Variants in CACNA2D3 observed in about 807,000 individuals in gnomAD.
CACNA2D3 encodes the protein calcium voltage-gated channel auxiliary subunit alpha2delta 3.
CACNA2D3 carries 60 observed loss-of-function variants against 160.6 expected under a neutral mutation model. The observed-to-expected ratio is 0.37, with a 90% confidence interval of 0.30 to 0.46. The LOEUF (loss-of-function observed/expected upper bound fraction) is 0.46, where lower values mean the gene tolerates loss of function less well. Ranked by LOEUF, CACNA2D3 falls within the 20% of genes least tolerant of loss-of-function variation. The pLI, the probability that CACNA2D3 is intolerant of heterozygous loss-of-function variation, is 1.00. For synonymous variants in CACNA2D3, 558 were observed against 492.9 expected, an observed-to-expected ratio of 1.13 and a Z score of -1.75; for missense variants, 1,205 against 1,365.0, an observed-to-expected ratio of 0.88 and a Z score of 1.85.
At chr3:54,351,538 T>C (rs760277927) in intron 3 of CACNA2D3, among the ~76,000 whole-genome samples, 1 of 152,230 alleles carries the variant, frequency 6.6e-6, no homozygotes, top group African/African-American at 2.4e-5. Context: ...AGGGTAGTTG[T>C]GTTGTAATAA....
At chr3:54,300,724 A>T (rs147617561) in intron 2 of CACNA2D3, among the ~76,000 whole-genome samples, 190 of 152,322 alleles carry the variant, frequency 1.2e-3, no homozygotes, top group African/African-American at 4.4e-3. Context: ...TTTTAAAGTA[A>T]CTTAACCATG....
chr3:54,661,341 G>A (rs924302448), intron 11 of CACNA2D3, among the ~76,000 whole-genome samples: 1 of 152,130 alleles, frequency 6.6e-6, no homozygotes, highest in South Asian at 2.1e-4. Context: ...GCTTTCAGAT[G>A]ATGTGTTTCT....
At chr3:54,607,823 A>G (rs1698667526) in intron 9 of CACNA2D3, among the ~76,000 whole-genome samples, 1 of 152,216 alleles carries the variant, frequency 6.6e-6, no homozygotes, top group Non-Finnish European at 1.5e-5. Context: ...ACTGGAAACA[A>G]CCCAAGTTTC....
At chr3:54,621,199 A>G (rs1474581165) in intron 9 of CACNA2D3, among the ~76,000 whole-genome samples, 2 of 152,224 alleles carry the variant, frequency 1.3e-5, no homozygotes, top group Non-Finnish European at 2.9e-5. Context: ...AACAGGAAGG[A>G]CTCAAACATT....
rs202212742 is a variant in CACNA2D3 at position 55,009,413 on chromosome 3, A to G, written c.2845A>G (p.Ser949Gly). ...VLFLVEFNLC[S>G]WWHSDMTAKA... ...GTTCCTGGTGGAATTTAACCTCTGC[A>G]GTTGGTGGCACTCCGATATGACAGC... The change falls in exon 34 of 38, where the codon AGT (serine) becomes GGT (glycine). Residue 949 changes from serine (S) to glycine (G), a missense_variant. This residue lies in a region of CACNA2D3 where 911 missense variants were observed against 1,002.2 expected (regional missense o/e 0.91). Transcript: ENST00000474759. 2,928 of 1,613,870 alleles carry G rather than the reference A, an allele frequency of 1.8e-3. 3 individuals carry two copies. The highest frequency in any genetic ancestry group is 2.4e-3 in the Non-Finnish European group (2,785 of 1,179,784).
chr3:54,676,958 C>T (rs1007548436), intron 11 of CACNA2D3, among the ~76,000 whole-genome samples: 5 of 152,224 alleles, frequency 3.3e-5, no homozygotes, highest in South Asian at 4.2e-4. Context: ...TGGTTCAGCA[C>T]GTTCAGGGAG....
intron 27 of CACNA2D3, chr3:54,918,703 TC>T: frequency 6.2e-7 from 1 of 1,613,980 alleles, no homozygotes; most frequent in Non-Finnish European, 8.5e-7. Flanking sequence ...GAGTTCTCGC[TC>T]CCCCGCGTTG....
Position 54,899,911 on chromosome 3 carries a change from G to A in CACNA2D3, c.2449+43G>A, listed in dbSNP as rs372842939. On this transcript the variant is annotated intron_variant, in intron 27 of 37. Transcript: ENST00000474759. ...TCCATGAAGACAAAGTAAGCATGGC[G>A]CCCATTCATCCGGCCAGTGGGCTAC... 2.0e-5 allele frequency: 28 copies of A among 1,411,880 alleles called. No individual in the cohort carries two copies. The African/African-American group carries it at 2.7e-4, about 14-fold the overall frequency. The allele number at this position is 1,411,880 out of a possible 1,614,324, so 87.5% of individuals were successfully genotyped here. A position where few individuals can be genotyped will look rare whatever the true frequency, so the allele number is the denominator to read the frequency against.
chr3:54,883,823 C>CTCT (rs60132112), intron 21 of CACNA2D3, among the ~76,000 whole-genome samples: 17,438 of 88,100 alleles, frequency 0.2, 1,202 homozygotes, highest in Middle Eastern at 0.31. Context: ...CTCTCTCTCT[C>CTCT]CTCTCTCTCC....
At chr3:54,445,555 T>TACACACACACAC (rs3028897) in intron 4 of CACNA2D3, among the ~76,000 whole-genome samples, 15,067 of 147,060 alleles carry the variant, frequency 0.1, 898 homozygotes, top group Non-Finnish European at 0.14. Context: ...TTTCTATGTA[T>TACACACACACAC]ACACACACAC....
At chr3:54,242,785 T>C (rs1251553554) in intron 2 of CACNA2D3, among the ~76,000 whole-genome samples, 5 of 152,344 alleles carry the variant, frequency 3.3e-5, no homozygotes, top group Middle Eastern at 6.8e-3. Context: ...TGAGGTTGAC[T>C]GCAGGTTGAA....
chr3:54,164,125 G>A lies in CACNA2D3; in HGVS notation c.204+40531G>A, dbSNP rs139526331. Among the ~76,000 whole-genome samples the A allele has an allele frequency of 7.2e-5, 11 of 152,298 alleles. No homozygotes were observed. In the East Asian group the frequency reaches 2.1e-3, roughly 29 times the overall value. ...CAGGGAGAGGCCACTCCTGGCTGAGGGACCTGTACCTGCAAAGACTCTCAG... is the reference window on the plus strand; with the variant it reads ...CAGGGAGAGGCCACTCCTGGCTGAGAGACCTGTACCTGCAAAGACTCTCAG... On this transcript the variant is annotated intron_variant, in intron 2 of 37. Transcript: ENST00000474759.
intron 13 of CACNA2D3, among the ~76,000 whole-genome samples, chr3:54,769,312 A>G (rs1211909307): frequency 6.6e-6 from 1 of 152,132 alleles, no homozygotes; most frequent in Non-Finnish European, 1.5e-5. Flanking sequence ...AGCTTGCAGT[A>G]ATGAAAGAGA....
chr3:54,154,537 C>CA (rs1553737723), intron 2 of CACNA2D3, among the ~76,000 whole-genome samples: 1 of 151,990 alleles, frequency 6.6e-6, no homozygotes, highest in Non-Finnish European at 1.5e-5. Flanking sequence ...TTTTCCCCCC[C>CA]GAATGATTAT....
intron 8 of CACNA2D3, among the ~76,000 whole-genome samples, chr3:54,581,538 A>G (rs1275986493): frequency 1.3e-5 from 2 of 152,200 alleles, no homozygotes; most frequent in Non-Finnish European, 2.9e-5. Context: ...AAGAATGATC[A>G]GTTAACAGGG....
chr3:54,288,723 CATGAT>C (rs1703102271), intron 2 of CACNA2D3, among the ~76,000 whole-genome samples: 1 of 152,104 alleles, frequency 6.6e-6, no homozygotes, highest in Non-Finnish European at 1.5e-5. Context: ...GCTTATCCAC[CATGAT>C]CAAGTGGGCT....
intron 13 of CACNA2D3, among the ~76,000 whole-genome samples, chr3:54,786,604 A>G (rs888357832): frequency 6.6e-6 from 1 of 152,162 alleles, no homozygotes; most frequent in Non-Finnish European, 1.5e-5. Context: ...GGCTTTATAG[A>G]TATTTGGTAG....
intron 13 of CACNA2D3, among the ~76,000 whole-genome samples, chr3:54,808,411 C>T (rs1185842520): frequency 1.3e-5 from 2 of 151,990 alleles, no homozygotes; most frequent in African/African-American, 4.8e-5. Context: ...GATCTTTCCC[C>T]AGTAGTTTAG....
At chr3:54,952,931 A>G (rs904410152) in intron 27 of CACNA2D3, among the ~76,000 whole-genome samples, 4 of 152,190 alleles carry the variant, frequency 2.6e-5, no homozygotes, top group Non-Finnish European at 4.4e-5. Context: ...CAAAGGAGGA[A>G]ACTTTTCATA....
Sources: allele counts gnomAD v4.1 joint callset (sites outside exome capture counted in the v4.1 genomes callset), GRCh38; gene constraint gnomAD v4.1.1; regional missense constraint gnomAD v4.1.1; transcripts MANE v1.5; gene names NCBI Gene and HGNC (gene_info 2026-07-23, HGNC 2026-07-21).